SLC44A5: variants seen among roughly 807,000 people sequenced by gnomAD.
SLC44A5 encodes choline transporter-like protein 5.
Under a neutral mutation model 101.8 loss-of-function variants are expected in SLC44A5, and 57 were observed. That is an observed-to-expected ratio of 0.56 (90% CI 0.45 to 0.70). SLC44A5 has a LOEUF of 0.70. SLC44A5 is among the 30% of genes least tolerant of loss of function. The pLI is 0.00. For synonymous variants in SLC44A5, 281 were observed against 290.9 expected (o/e 0.97, Z 0.35); for missense variants, 737 against 853.1 (o/e 0.86, Z 1.70).
At chr1:75,665,672 G>C in the SLC44A5 span, among the ~76,000 whole-genome samples, 1 of 152,084 alleles carries the variant, frequency 6.6e-6, no homozygotes, top group Non-Finnish European at 1.5e-5. Flanking sequence ...CCTATAGAAT[G>C]GGATAAAATA....
chr1:75,549,221 C>G (rs999547800), intron 1 of SLC44A5, among the ~76,000 whole-genome samples: 1 of 152,082 alleles, frequency 6.6e-6, no homozygotes, highest in South Asian at 2.1e-4. Flanking sequence ...TGGCATTGTT[C>G]TCTGTTCTTG....
At chr1:75,308,884 T>C (rs1655097468) in intron 4 of SLC44A5, among the ~76,000 whole-genome samples, 1 of 152,222 alleles carries the variant, frequency 6.6e-6, no homozygotes, top group Non-Finnish European at 1.5e-5. Context: ...TAATCTTTTT[T>C]AGTAATTAAA....
chr1:75,541,462 G>A lies in SLC44A5; in HGVS notation c.-15C>T, dbSNP rs372331705. The A allele has an allele frequency of 1.4e-5, 22 of 1,611,696 alleles. No individual in the cohort carries two copies. The highest frequency in any genetic ancestry group is 1.9e-5 in the Non-Finnish European group (22 of 1,178,572). ...GTGTCATTCATTGAGATAAAAGGCTGTCTCTTCAGAAGTAGGCCTGAATCA... is the reference window on the plus strand; with the variant it reads ...GTGTCATTCATTGAGATAAAAGGCTATCTCTTCAGAAGTAGGCCTGAATCA... On this transcript the variant is annotated 5_prime_UTR_variant, in exon 2 of 24. Coordinates refer to ENST00000370859, the MANE Select transcript of SLC44A5 (RefSeq NM_001130058.2).
At chr1:75,651,447 C>T in the SLC44A5 span, among the ~76,000 whole-genome samples, 4 of 152,034 alleles carry the variant, frequency 2.6e-5, no homozygotes, top group Admixed American at 6.6e-5. Context: ...AAACAATACT[C>T]GCACTCTGGG....
chr1:75,701,221 C>G, the SLC44A5 span, among the ~76,000 whole-genome samples: 1 of 152,158 alleles, frequency 6.6e-6, no homozygotes, highest in African/African-American at 2.4e-5. Context: ...AATTTTAGAG[C>G]AATATCCCTG....
At chr1:75,533,526 T>G (rs1289390389) in intron 2 of SLC44A5, among the ~76,000 whole-genome samples, 1 of 152,172 alleles carries the variant, frequency 6.6e-6, no homozygotes, top group Non-Finnish European at 1.5e-5. Context: ...CACACTTGTA[T>G]ACCTGATTAC....
At chr1:75,632,831 T>C in the SLC44A5 span, among the ~76,000 whole-genome samples, 1 of 152,142 alleles carries the variant, frequency 6.6e-6, no homozygotes, top group African/African-American at 2.4e-5. Context: ...ATCTAAAAAA[T>C]AAAAACAACA....
At chr1:75,467,375 C>G (rs888770824) in intron 2 of SLC44A5, among the ~76,000 whole-genome samples, 1 of 152,092 alleles carries the variant, frequency 6.6e-6, no homozygotes, top group Non-Finnish European at 1.5e-5. Context: ...ATAACCAAAG[C>G]TATCCCAAGC....
intron 5 of SLC44A5, among the ~76,000 whole-genome samples, chr1:75,283,369 G>C (rs867449670): frequency 6.6e-6 from 1 of 152,016 alleles, no homozygotes; most frequent in Non-Finnish European, 1.5e-5. Context: ...TTTCTGATTT[G>C]TTTGAGTTTT....
rs139496508 is a variant in SLC44A5 at position 75,603,506 on chromosome 1, G to A, written c.-70+7534C>T. Reference sequence around the variant, plus strand: ...TTTGAGGATATATGCCCAGTAGTGGGATTGCTGGGTCAAGTGGTAGTTCTG... The same window carrying A: ...TTTGAGGATATATGCCCAGTAGTGGAATTGCTGGGTCAAGTGGTAGTTCTG... On this transcript the variant is annotated intron_variant, in intron 1 of 23. Transcript: ENST00000370859. Among the ~76,000 whole-genome samples, 883 of 152,004 alleles carry A rather than the reference G, an allele frequency of 5.8e-3. 7 individuals carry two copies. The highest frequency in any genetic ancestry group is 0.02 in the African/African-American group (841 of 41,472).
At chr1:75,608,931 A>G (rs558488067) in intron 1 of SLC44A5, among the ~76,000 whole-genome samples, 20 of 151,728 alleles carry the variant, frequency 1.3e-4, no homozygotes, top group Non-Finnish European at 2.7e-4. Context: ...TCAATTTTTA[A>G]TATCAACAAT....
chr1:75,397,057 G>T (rs1336003046), intron 2 of SLC44A5, among the ~76,000 whole-genome samples: 1 of 152,174 alleles, frequency 6.6e-6, no homozygotes, highest in Non-Finnish European at 1.5e-5. Flanking sequence ...TTTATTACAT[G>T]CAGAATAGCC....
chr1:75,230,442 G>A (rs1647446468), intron 12 of SLC44A5, among the ~76,000 whole-genome samples: 2 of 151,628 alleles, frequency 1.3e-5, no homozygotes, highest in Middle Eastern at 3.4e-3. Flanking sequence ...GCAGAGACGG[G>A]GTTTCACCAT....
chr1:75,618,855 T>C, the SLC44A5 span, among the ~76,000 whole-genome samples: 1 of 151,974 alleles, frequency 6.6e-6, no homozygotes, highest in Non-Finnish European at 1.5e-5. Flanking sequence ...GGACCACCTG[T>C]GGTCAGGAGT....
the SLC44A5 span, among the ~76,000 whole-genome samples, chr1:75,666,606 T>A: frequency 6.6e-6 from 1 of 152,176 alleles, no homozygotes; most frequent in Non-Finnish European, 1.5e-5. Context: ...AGCATCATCC[T>A]GATACCAAAA....
rs575378422 is a variant in SLC44A5, at chr1:75,559,197, A to G, written c.-69-17681T>C. ...AAGTACTTTATATATATATATAAAC[A>G]GTTCCTAATAGGTACTCAGTGTCTG... On this transcript the variant is annotated intron_variant, in intron 1 of 23. Transcript: ENST00000370859. Among the ~76,000 whole-genome samples, 445 of 152,244 alleles carry G rather than the reference A, an allele frequency of 2.9e-3. 5 individuals carry two copies. Among genetic ancestry groups the G allele is most frequent in the African/African-American group, 0.01 (432 of 41,562 alleles).
chr1:75,671,251 C>T, the SLC44A5 span, among the ~76,000 whole-genome samples: 1 of 152,062 alleles, frequency 6.6e-6, no homozygotes, highest in Non-Finnish European at 1.5e-5. Flanking sequence ...AGTTGGTGTG[C>T]GTGGACTCTG....
intron 2 of SLC44A5, among the ~76,000 whole-genome samples, chr1:75,399,271 T>C (rs1057065346): frequency 1.3e-5 from 2 of 152,256 alleles, no homozygotes; most frequent in South Asian, 4.2e-4. Flanking sequence ...CAATAGAGTT[T>C]ATACGGCATA....
At chr1:75,311,435 T>C (rs975497491) in intron 4 of SLC44A5, among the ~76,000 whole-genome samples, 4 of 152,164 alleles carry the variant, frequency 2.6e-5, no homozygotes, top group African/African-American at 7.2e-5. Flanking sequence ...AGCATCTTAA[T>C]GTTGGGAATG....
Sources: gnomAD v4.1 joint callset for allele counts (sites outside exome capture counted in the v4.1 genomes callset) on GRCh38, gnomAD v4.1.1 for gene constraint, MANE v1.5 for transcripts, NCBI Gene and HGNC (gene_info 2026-07-23, HGNC 2026-07-21) for gene names.